Variants in MINDY4 observed in about 807,000 individuals in gnomAD.
MINDY4 encodes probable ubiquitin carboxyl-terminal hydrolase MINDY-4.
A neutral mutation model predicts 87.0 loss-of-function variants in MINDY4; 68 were observed. That is an observed-to-expected ratio of 0.78 (90% CI 0.64 to 0.96). The LOEUF (loss-of-function observed/expected upper bound fraction) is 0.96, where lower values mean the gene tolerates loss of function less well. Ranked by LOEUF, MINDY4 falls within the 40% of genes least tolerant of loss-of-function variation. The pLI, the probability that MINDY4 is intolerant of heterozygous loss-of-function variation, is 0.00. For synonymous variants in MINDY4, 379 were observed against 363.2 expected (o/e 1.04, Z -0.50); for missense variants, 919 against 928.2 (o/e 0.99, Z 0.13).
At chr7:30,825,421 C>T (rs1322606502) in intron 5 of MINDY4, among the ~76,000 whole-genome samples, 1 of 152,160 alleles carries the variant, frequency 6.6e-6, no homozygotes, top group Non-Finnish European at 1.5e-5. Flanking sequence ...CTGTACCCTA[C>T]CCAGTGGAAA....
intron 5 of MINDY4, among the ~76,000 whole-genome samples, chr7:30,814,355 A>G (rs527396901): frequency 1.8e-4 from 27 of 152,204 alleles, no homozygotes; most frequent in Non-Finnish European, 3.7e-4. Context: ...TTACCAGTTG[A>G]GGTAGACATA....
At chr7:30,883,049 A>G in intron 17 of MINDY4, 56 bp downstream of exon 17, 1 of 1,568,956 alleles carries the variant, frequency 6.4e-7, no homozygotes, top group Non-Finnish European at 8.8e-7. Context: ...TTGAGGAGCC[A>G]TGGTTGGGGG....
intron 5 of MINDY4, among the ~76,000 whole-genome samples, chr7:30,809,537 C>T (rs540790995): frequency 6.6e-6 from 1 of 151,148 alleles, no homozygotes; most frequent in East Asian, 1.9e-4. Context: ...TGGTTCCTCC[C>T]AGGTAATTGA....
In MINDY4 at chr7:30,838,381, G is replaced by A. The variant is rs192709047; in HGVS notation, c.1240-819G>A. Among the ~76,000 whole-genome samples the A allele has an allele frequency of 2.2e-3, 339 of 152,248 alleles. 2 individuals are homozygous for A. The highest frequency in any genetic ancestry group is 7.8e-3 in the African/African-American group (325 of 41,542). On this transcript the variant is annotated intron_variant, in intron 7 of 17. Transcript: ENST00000265299. The stretch of plus-strand genomic sequence containing the variant: ...TTGGGATGGTTCAAGCAGAGTTCAC[G>A]GGGGACCACTCATGGGCGGCATCAC...
chr7:30,814,942 A>G (rs972674393), intron 5 of MINDY4, among the ~76,000 whole-genome samples: 2 of 152,192 alleles, frequency 1.3e-5, no homozygotes, highest in Non-Finnish European at 2.9e-5. Context: ...AAAGGAAAAT[A>G]CTTCATCCTA....
intron 7 of MINDY4, among the ~76,000 whole-genome samples, chr7:30,837,843 C>T (rs1018331070): frequency 2.0e-5 from 3 of 152,208 alleles, no homozygotes; most frequent in South Asian, 2.1e-4. Context: ...CTGTGCCTAG[C>T]GGGAGCTGTC....
At chr7:30,836,439 G>T (rs1351279114) in intron 6 of MINDY4, among the ~76,000 whole-genome samples, 1 of 152,222 alleles carries the variant, frequency 6.6e-6, no homozygotes, top group Non-Finnish European at 1.5e-5. Flanking sequence ...ACAGAGCAGG[G>T]TTGTGACAAG....
chr7:30,842,572 A>G (rs1240945787), intron 9 of MINDY4, among the ~76,000 whole-genome samples: 2 of 152,204 alleles, frequency 1.3e-5, no homozygotes, highest in Non-Finnish European at 2.9e-5. Context: ...CTCAGCAGGG[A>G]TACAGGGCTG....
intron 13 of MINDY4, among the ~76,000 whole-genome samples, chr7:30,863,342 C>G (rs932295091): frequency 1.3e-5 from 2 of 152,092 alleles, no homozygotes; most frequent in Non-Finnish European, 2.9e-5. Context: ...TGTATGTGTA[C>G]ATTCGTGGTG....
At chr7:30,789,389 C>T (rs1377400313) in intron 4 of MINDY4, among the ~76,000 whole-genome samples, 2 of 152,192 alleles carry the variant, frequency 1.3e-5, no homozygotes. Context: ...TATAGAATTT[C>T]GCCAGATTCT....
At chr7:30,824,405 G>A (rs1284711895) in intron 5 of MINDY4, among the ~76,000 whole-genome samples, 2 of 152,036 alleles carry the variant, frequency 1.3e-5, no homozygotes, top group South Asian at 2.1e-4. Context: ...CTCTGAATAC[G>A]GCCACACTGG....
intron 12 of MINDY4, among the ~76,000 whole-genome samples, chr7:30,854,876 C>T (rs1789525153): frequency 6.6e-6 from 1 of 152,258 alleles, no homozygotes; most frequent in Non-Finnish European, 1.5e-5. Context: ...GAAGTGCTTT[C>T]ACCCCTCAGC....
At chr7:30,846,281 C>T (rs528409223) in intron 9 of MINDY4, among the ~76,000 whole-genome samples, 24 of 152,314 alleles carry the variant, frequency 1.6e-4, no homozygotes, top group Non-Finnish European at 2.9e-4. Flanking sequence ...TCCATGGGCA[C>T]GTCACAGTGG....
Position 30,889,646 on chromosome 7 carries a change from C to T in MINDY4, c.2226-2311C>T, listed in dbSNP as rs945972159. On this transcript the variant is annotated intron_variant, in intron 17 of 17. Transcript: ENST00000265299. The stretch of plus-strand genomic sequence containing the variant: ...CTCAACCCCAAAACCCAATAGACTC[C>T]TCTGGATCTGCTTGACACACAGAAG... 4.6e-5 allele frequency among the ~76,000 whole-genome samples: 7 copies of T among 152,192 alleles called. 1 individual carries two copies. In the South Asian group the frequency reaches 1.0e-3, roughly 23 times the overall value.
chr7:30,851,412 T>C (rs1323699005), intron 10 of MINDY4, among the ~76,000 whole-genome samples: 1 of 152,236 alleles, frequency 6.6e-6, no homozygotes, highest in African/African-American at 2.4e-5. Context: ...AATGAGTCAG[T>C]ATAAAGAAAT....
intron 12 of MINDY4, among the ~76,000 whole-genome samples, chr7:30,854,526 C>G (rs1203722514): frequency 6.6e-6 from 1 of 151,080 alleles, no homozygotes; most frequent in East Asian, 1.9e-4. Flanking sequence ...AGGAAGAACA[C>G]AGACCTTTCT....
intron 13 of MINDY4, among the ~76,000 whole-genome samples, chr7:30,870,268 T>C (rs922304611): frequency 7.9e-5 from 12 of 152,192 alleles, no homozygotes; most frequent in African/African-American, 2.9e-4. Flanking sequence ...TTCTAAAAGC[T>C]CCAGGTGGCA....
intron 5 of MINDY4, among the ~76,000 whole-genome samples, chr7:30,815,198 C>A (rs1470776626): frequency 6.6e-6 from 1 of 152,230 alleles, no homozygotes; most frequent in Non-Finnish European, 1.5e-5. Flanking sequence ...GGCAGCCACT[C>A]CTTCAGGCAG....
At chr7:30,847,706 A>G (rs1326748476) in intron 9 of MINDY4, among the ~76,000 whole-genome samples, 4 of 151,902 alleles carry the variant, frequency 2.6e-5, no homozygotes, top group Middle Eastern at 3.2e-3. Context: ...TACTCTATAT[A>G]TGTGTGTGTG....
Sources: allele counts gnomAD v4.1 joint callset (sites outside exome capture counted in the v4.1 genomes callset), GRCh38; gene constraint gnomAD v4.1.1; transcripts MANE v1.5; gene names NCBI Gene and HGNC (gene_info 2026-07-23, HGNC 2026-07-21).